Variants in FABP12 observed in about 807,000 individuals in gnomAD.
FABP12 encodes the protein fatty acid binding protein 12.
FABP12 carries 19 observed loss-of-function variants against 13.7 expected under a neutral mutation model. The observed-to-expected ratio is 1.39, with a 90% confidence interval of 0.97 to 2.04. FABP12 has a LOEUF of 2.04. FABP12 is among the 30% of genes most tolerant of loss of function. FABP12 has a pLI of 0.00. For missense variants in FABP12, 182 were observed against 164.2 expected, an observed-to-expected ratio of 1.11 and a Z score of -0.59; for synonymous variants, 61 against 57.0, an observed-to-expected ratio of 1.07 and a Z score of -0.32.
At chr8:81,586,897 G>A (rs371798312) in intron 1 of FABP12, among the ~76,000 whole-genome samples, 3 of 152,246 alleles carry the variant, frequency 2.0e-5, no homozygotes, top group African/African-American at 7.2e-5. Flanking sequence ...TATTTCCTAC[G>A]TTTCCTTCTT....
At chr8:81,537,684 A>G (rs1809256625), upstream of FABP12, among the ~76,000 whole-genome samples, 1 of 152,112 alleles carries the variant, frequency 6.6e-6, no homozygotes, top group African/African-American at 2.4e-5. Context: ...TTTTCTGGCT[A>G]AGAACATCGG....
At chr8:81,557,269 T>C (rs377519883) in intron 1 of FABP12, among the ~76,000 whole-genome samples, 11 of 152,350 alleles carry the variant, frequency 7.2e-5, no homozygotes, top group African/African-American at 1.7e-4. Flanking sequence ...CATTTTTCTG[T>C]AACTCTTTAC....
exon 2 of FABP12, chr8:81,531,301 G>T: frequency 6.2e-7 from 1 of 1,602,162 alleles, no homozygotes; most frequent in South Asian, 1.1e-5. Flanking sequence ...ATGTTCCTTG[G>T]AGCTGGTCAA....
intron 1 of FABP12, among the ~76,000 whole-genome samples, chr8:81,584,815 T>A (rs1406348286): frequency 6.6e-6 from 1 of 152,182 alleles, no homozygotes; most frequent in East Asian, 1.9e-4. Context: ...ATTTATTAGA[T>A]AATAATCTTT....
chr8:81,546,406 C>T (rs936178122), intron 1 of FABP12, among the ~76,000 whole-genome samples: 1 of 151,764 alleles, frequency 6.6e-6, no homozygotes, highest in African/African-American at 2.4e-5. Context: ...GTAATCCCAG[C>T]ACTTTGGGAG....
chr8:81,528,076 T>G (rs115184090), intron 3 of FABP12, among the ~76,000 whole-genome samples: 2,417 of 152,228 alleles, frequency 0.016, 61 homozygotes, highest in African/African-American at 0.055. Flanking sequence ...TCCAGTTTTT[T>G]TTGTTGTTGT....
Position 81,552,298 on chromosome 8 carries a change from G to C in FABP12, c.-184-12555C>G, listed in dbSNP as rs146094836. On this transcript the variant is annotated intron_variant, in intron 1 of 5. Coordinates refer to the FABP12 transcript ENST00000692030. ...AAACAGAGCAAGGTCCTTTAGGGCA[G>C]TTGGAAGAAGTTCAGTATAGTAGGA... Among the ~76,000 whole-genome samples, 16 of 152,316 alleles carry C rather than the reference G, an allele frequency of 1.1e-4. No individual in the cohort carries two copies. The East Asian group carries it at 2.9e-3, about 28-fold the overall frequency.
intron 1 of FABP12, among the ~76,000 whole-genome samples, chr8:81,564,592 T>C (rs1809783962): frequency 6.6e-6 from 1 of 152,136 alleles, no homozygotes; most frequent in Non-Finnish European, 1.5e-5. Flanking sequence ...TCAGTTTGTT[T>C]ATGCAATTGG....
chr8:81,588,771 T>C (rs182365734), intron 1 of FABP12, among the ~76,000 whole-genome samples: 163 of 152,296 alleles, frequency 1.1e-3, no homozygotes, highest in African/African-American at 3.6e-3. Context: ...CTCAGTACAA[T>C]AACAGACCCT....
At chr8:81,537,064 A>G (rs2129974933), upstream of FABP12, among the ~76,000 whole-genome samples, 1 of 128,428 alleles carries the variant, frequency 7.8e-6, no homozygotes, top group East Asian at 2.1e-4. Context: ...GGTGGATACC[A>G]TTTTTCATTT....
intron 1 of FABP12, among the ~76,000 whole-genome samples, chr8:81,558,628 G>A (rs1809663399): frequency 6.6e-6 from 1 of 151,964 alleles, no homozygotes; most frequent in Non-Finnish European, 1.5e-5. Context: ...GCGGTGGCTC[G>A]TGCCTGTAAT....
At chr8:81,567,051 A>G (rs758898172) in intron 1 of FABP12, among the ~76,000 whole-genome samples, 6 of 152,228 alleles carry the variant, frequency 3.9e-5, no homozygotes, top group African/African-American at 4.8e-5. Context: ...AATCCCATTT[A>G]CAATAGCTAC....
intron 1 of FABP12, among the ~76,000 whole-genome samples, chr8:81,588,991 C>T (rs967396583): frequency 2.6e-5 from 4 of 152,192 alleles, no homozygotes; most frequent in African/African-American, 4.8e-5. Context: ...TCCCTAAGCA[C>T]AGCACTCCAG....
rs553146791 is a variant in FABP12 at position 81,586,179 on chromosome 8, C to A, written c.-185+3874G>T. On this transcript the variant is annotated intron_variant, in intron 1 of 5. Coordinates refer to the FABP12 transcript ENST00000692030. ...TTGCTGCAAAGGACATGATCCCATT[C>A]TTTTTATAGCTGTGTAGTACTCCAT... Among the ~76,000 whole-genome samples the A allele has an allele frequency of 2.6e-5, 4 of 152,196 alleles. No homozygotes were observed. The East Asian group carries it at 7.7e-4, about 29-fold the overall frequency.
chr8:81,580,147 T>C (rs989188716), intron 1 of FABP12, among the ~76,000 whole-genome samples: 1 of 152,196 alleles, frequency 6.6e-6, no homozygotes, highest in Admixed American at 6.5e-5. Flanking sequence ...CCTAAACAAA[T>C]ATACCCCTGC....
At chr8:81,540,136 T>C (rs1025587555) in intron 1 of FABP12, among the ~76,000 whole-genome samples, 4 of 152,238 alleles carry the variant, frequency 2.6e-5, no homozygotes, top group Non-Finnish European at 4.4e-5. Flanking sequence ...GTGTGGGCTT[T>C]GGACTAGGCG....
At chr8:81,567,409 A>G (rs1288392391) in intron 1 of FABP12, among the ~76,000 whole-genome samples, 1 of 152,244 alleles carries the variant, frequency 6.6e-6, no homozygotes, top group Non-Finnish European at 1.5e-5. Context: ...ACTTCAAATT[A>G]CACTGCAGAG....
At chr8:81,536,609 G>A (rs1334244474), upstream of FABP12, among the ~76,000 whole-genome samples, 2 of 152,178 alleles carry the variant, frequency 1.3e-5, no homozygotes, top group African/African-American at 4.8e-5. Context: ...CCACCACTGA[G>A]TATATAATGG....
intron 1 of FABP12, among the ~76,000 whole-genome samples, chr8:81,581,958 C>T (rs2130105595): frequency 6.6e-6 from 1 of 151,472 alleles, no homozygotes; most frequent in East Asian, 1.9e-4. Flanking sequence ...CAGAAAACCA[C>T]CAAATGACAC....
Sources: gnomAD v4.1 joint callset for allele counts (sites outside exome capture counted in the v4.1 genomes callset) on GRCh38, gnomAD v4.1.1 for gene constraint, MANE v1.5 for transcripts, NCBI Gene and HGNC (gene_info 2026-07-23, HGNC 2026-07-21) for gene names.